MAML3: variants seen among roughly 807,000 people sequenced by gnomAD.
MAML3 encodes the protein mastermind like transcriptional coactivator 3.
In MAML3, 27 loss-of-function variants were observed where a neutral mutation model predicts 101.9. The ratio of observed to expected loss-of-function variants is 0.27; its 90% CI spans 0.20 to 0.37. The LOEUF (loss-of-function observed/expected upper bound fraction) is 0.37. Ranked by LOEUF, MAML3 falls within the 10% of genes least tolerant of loss-of-function variation. The probability of loss-of-function intolerance (pLI) is 1.00; values close to 1 mark genes in which losing one functional copy is unlikely to be tolerated. For synonymous variants in MAML3, 501 were observed against 555.9 expected, an observed-to-expected ratio of 0.90 and a Z score of 1.39; for missense variants, 1,316 against 1,444.9, an observed-to-expected ratio of 0.91 and a Z score of 1.45.
chr4:139,777,397 T>C (rs893998871), intron 2 of MAML3, among the ~76,000 whole-genome samples: 1 of 152,226 alleles, frequency 6.6e-6, no homozygotes, highest in Non-Finnish European at 1.5e-5. Flanking sequence ...CAAGAAGATC[T>C]GAATTTGATC....
At chr4:139,859,853 C>T (rs915871293) in intron 2 of MAML3, among the ~76,000 whole-genome samples, 5 of 152,180 alleles carry the variant, frequency 3.3e-5, no homozygotes, top group African/African-American at 1.2e-4. Context: ...TCCAAAAAAT[C>T]GACATCGAGA....
At chr4:139,958,922 G>A (rs902651858) in intron 1 of MAML3, among the ~76,000 whole-genome samples, 1 of 152,152 alleles carries the variant, frequency 6.6e-6, no homozygotes, top group Non-Finnish European at 1.5e-5. Context: ...ACTCATGCCA[G>A]CACATCCATT....
intron 1 of MAML3, among the ~76,000 whole-genome samples, chr4:140,127,057 C>A (rs1364489559): frequency 6.6e-6 from 1 of 152,128 alleles, no homozygotes; most frequent in Non-Finnish European, 1.5e-5. Context: ...GACATCACAC[C>A]CTCGTTTATA....
At chr4:139,832,122 T>A (rs1731177440) in intron 2 of MAML3, among the ~76,000 whole-genome samples, 1 of 114,440 alleles carries the variant, frequency 8.7e-6, no homozygotes, top group Admixed American at 9.1e-5. Flanking sequence ...TTTTTTTTTT[T>A]GAGACAGAGT....
chr4:140,073,454 A>G (rs1560885173), intron 1 of MAML3, among the ~76,000 whole-genome samples: 1 of 151,834 alleles, frequency 6.6e-6, no homozygotes, highest in Non-Finnish European at 1.5e-5. Flanking sequence ...TTTTTCAACA[A>G]AATTTCTTAT....
In MAML3 at chr4:139,923,216, C is replaced by T. The variant is rs141297753; in HGVS notation, c.469-32249G>A. Among the ~76,000 whole-genome samples the T allele has an allele frequency of 1.6e-3, 242 of 152,246 alleles. 2 individuals carry two copies. The highest frequency in any genetic ancestry group is 5.5e-3 in the African/African-American group (229 of 41,548). On this transcript the variant is annotated intron_variant, in intron 1 of 4. Transcript: ENST00000509479. ...AGAAAAACTCCAGCTCCCCACACCC[C>T]GGGATCCAGACGGTGGAAGCTCCAC...
intron 1 of MAML3, among the ~76,000 whole-genome samples, chr4:140,022,516 G>A (rs565734428): frequency 6.6e-6 from 1 of 152,232 alleles, no homozygotes; most frequent in East Asian, 1.9e-4. Flanking sequence ...AAATGTAAAT[G>A]GTTCATTAGA....
chr4:140,031,876 A>G (rs937649059), intron 1 of MAML3, among the ~76,000 whole-genome samples: 2 of 152,196 alleles, frequency 1.3e-5, no homozygotes, highest in Non-Finnish European at 2.9e-5. Flanking sequence ...AGATATGCTC[A>G]AATTCTCCTA....
intron 1 of MAML3, among the ~76,000 whole-genome samples, chr4:139,962,348 A>G (rs757584620): frequency 4.6e-5 from 7 of 152,180 alleles, no homozygotes; most frequent in Non-Finnish European, 8.8e-5. Flanking sequence ...TCATTGAAAT[A>G]TTTGGTGCCT....
At chr4:139,850,695 G>A (rs961554488) in intron 2 of MAML3, among the ~76,000 whole-genome samples, 9 of 151,772 alleles carry the variant, frequency 5.9e-5, no homozygotes, top group African/African-American at 1.2e-4. Context: ...TGCATACCAC[G>A]AAGCCCGGCT....
At chr4:139,960,744 C>T (rs971147542) in intron 1 of MAML3, among the ~76,000 whole-genome samples, 5 of 152,120 alleles carry the variant, frequency 3.3e-5, no homozygotes, top group Non-Finnish European at 7.3e-5. Flanking sequence ...TGAAAATCGG[C>T]AGAAAGAGCG....
At chr4:140,076,357 C>T (rs572914284) in intron 1 of MAML3, among the ~76,000 whole-genome samples, 1 of 152,246 alleles carries the variant, frequency 6.6e-6, no homozygotes, top group South Asian at 2.1e-4. Flanking sequence ...AGTGAAAATG[C>T]ATTTTTTTGT....
At chr4:140,012,791 C>T (rs764809338) in intron 1 of MAML3, among the ~76,000 whole-genome samples, 6 of 152,168 alleles carry the variant, frequency 3.9e-5, no homozygotes, top group Non-Finnish European at 7.3e-5. Flanking sequence ...GAGACAACTG[C>T]CCTGGCACCA....
chr4:140,074,998 T>C (rs1396920987), intron 1 of MAML3, among the ~76,000 whole-genome samples: 1 of 152,216 alleles, frequency 6.6e-6, no homozygotes, highest in Non-Finnish European at 1.5e-5. Flanking sequence ...AATCCAGAAA[T>C]ATCCAAAATC....
chr4:139,853,658 A>T (rs1190899709), intron 2 of MAML3, among the ~76,000 whole-genome samples: 1 of 152,100 alleles, frequency 6.6e-6, no homozygotes, highest in Non-Finnish European at 1.5e-5. Context: ...GCACTTGCTG[A>T]GGACTTTAGG....
chr4:140,069,408 G>C (rs1281547598), intron 1 of MAML3, among the ~76,000 whole-genome samples: 2,359 of 102,522 alleles, frequency 0.023, 132 homozygotes, highest in African/African-American at 0.048. Flanking sequence ...GGAGGAGGAG[G>C]AGGAGGAGGA....
intron 2 of MAML3, chr4:139,794,503 A>C (rs192071127): frequency 6.6e-6 from 1 of 152,282 alleles, no homozygotes; most frequent in African/African-American, 2.4e-5. Flanking sequence ...CCTCTATATC[A>C]ACTCCCAGGC....
intron 2 of MAML3, among the ~76,000 whole-genome samples, chr4:139,828,022 C>T (rs6819206): frequency 0.058 from 8,838 of 152,254 alleles, 432 homozygotes; most frequent in African/African-American, 0.13. Flanking sequence ...ATAGTCATTA[C>T]GGTGCTGCCA....
intron 1 of MAML3, among the ~76,000 whole-genome samples, chr4:140,083,485 A>T (rs1235483531): frequency 2.0e-5 from 3 of 152,164 alleles, no homozygotes; most frequent in Non-Finnish European, 2.9e-5. Flanking sequence ...AGTCAGAAAA[A>T]CAGGAAGGAA....
Sources: allele counts gnomAD v4.1 joint callset (sites outside exome capture counted in the v4.1 genomes callset), GRCh38; gene constraint gnomAD v4.1.1; transcripts MANE v1.5; gene names NCBI Gene and HGNC (gene_info 2026-07-23, HGNC 2026-07-21).